The following WDPCP variants were observed in gnomAD, a reference collection of about 807,000 sequenced individuals.
The protein encoded by WDPCP is WD repeat containing planar cell polarity effector.
In WDPCP, 71 loss-of-function variants were observed where a neutral mutation model predicts 93.1. That is an observed-to-expected ratio of 0.76 (90% confidence interval 0.63 to 0.93). The LOEUF (loss-of-function observed/expected upper bound fraction) is 0.93. Ranked by LOEUF, WDPCP falls within the 40% of genes least tolerant of loss-of-function variation. The pLI is 0.00. For synonymous variants in WDPCP, 315 were observed against 315.0 expected (o/e 1.00, Z 0.00); for missense variants, 844 against 887.4 (o/e 0.95, Z 0.62).
intron 12 of WDPCP, among the ~76,000 whole-genome samples, chr2:63,377,632 A>G (rs1691959551): frequency 1.3e-5 from 2 of 151,502 alleles, no homozygotes; most frequent in African/African-American, 4.8e-5. Context: ...TGCTTATTTT[A>G]TCATATTTCT....
At chr2:63,506,600 A>G (rs1701890024) in intron 1 of WDPCP, among the ~76,000 whole-genome samples, 2 of 152,130 alleles carry the variant, frequency 1.3e-5, no homozygotes, top group Non-Finnish European at 2.9e-5. Context: ...CAAAAAGCAC[A>G]CGTACTGGAA....
At chr2:63,653,909 C>A (rs1357119472) in intron 2 of WDPCP, among the ~76,000 whole-genome samples, 71 of 133,524 alleles carry the variant, frequency 5.3e-4, no homozygotes, top group South Asian at 9.6e-4. Context: ...GACTCCATCT[C>A]AAAAAAAAAA....
intron 2 of WDPCP, among the ~76,000 whole-genome samples, chr2:63,764,770 C>A (rs551301208): frequency 6.6e-6 from 1 of 152,172 alleles, no homozygotes; most frequent in African/African-American, 2.4e-5. Context: ...TAAGGCAAGA[C>A]CATGAAGGAG....
At chr2:63,455,085 C>T (rs994257144) in intron 6 of WDPCP, among the ~76,000 whole-genome samples, 1 of 151,988 alleles carries the variant, frequency 6.6e-6, no homozygotes, top group Non-Finnish European at 1.5e-5. Context: ...ATGATTAATT[C>T]CCATCATCAA....
chr2:63,464,182 T>A (rs1179198431), intron 6 of WDPCP, among the ~76,000 whole-genome samples: 1 of 151,942 alleles, frequency 6.6e-6, no homozygotes, highest in African/African-American at 2.4e-5. Flanking sequence ...AATCAGATAA[T>A]CCAACTTAAA....
chr2:63,228,124 T>C (rs1678446783), intron 14 of WDPCP, among the ~76,000 whole-genome samples: 1 of 152,116 alleles, frequency 6.6e-6, no homozygotes. Flanking sequence ...AAAAGTTTAC[T>C]TTTATCTTCT....
At chr2:63,279,671 T>C (rs11685910) in intron 13 of WDPCP, among the ~76,000 whole-genome samples, 120,985 of 152,150 alleles carry the variant, frequency 0.8, 48,584 homozygotes, top group East Asian at 0.96. Flanking sequence ...AGTCAGACTG[T>C]TGCTGTTTGC....
At chr2:63,720,415 T>TCAAAAAAAAAAA (rs1167952657) in intron 2 of WDPCP, among the ~76,000 whole-genome samples, 1 of 145,222 alleles carries the variant, frequency 6.9e-6, no homozygotes, top group Non-Finnish European at 1.5e-5. Flanking sequence ...AGACTCTACC[T>TCAAAAAAAAAAA]TAAAAAAAAA....
intron 3 of WDPCP, chr2:63,605,151 T>C: frequency 3.0e-6 from 2 of 673,200 alleles, no homozygotes; most frequent in Non-Finnish European, 5.1e-6. Context: ...CATTGGGTTG[T>C]TGCATGATTT....
At chr2:63,707,217 A>C (rs1028869014) in intron 2 of WDPCP, among the ~76,000 whole-genome samples, 2 of 152,132 alleles carry the variant, frequency 1.3e-5, no homozygotes, top group Non-Finnish European at 2.9e-5. Flanking sequence ...TATCCTGCAG[A>C]GTGTTTTCCA....
Position 63,428,927 on chromosome 2 carries a change from G to C in WDPCP, c.825+4818C>G, listed in dbSNP as rs116797526. On this transcript the variant is annotated intron_variant, in intron 9 of 17. Coordinates refer to ENST00000272321, the MANE Select transcript of WDPCP (RefSeq NM_015910.7). Reference sequence around the variant, plus strand: ...TAAATGGAAAAACATTCCATGCTCAGAGATTGGAAGAATCATTCTTGTTAA... The same window carrying C: ...TAAATGGAAAAACATTCCATGCTCACAGATTGGAAGAATCATTCTTGTTAA... Among the ~76,000 whole-genome samples, 927 of 152,276 alleles carry C rather than the reference G, an allele frequency of 6.1e-3. 12 individuals carry two copies. Among genetic ancestry groups the C allele is most frequent in the African/African-American group, 0.021 (879 of 41,568 alleles).
intron 15 of WDPCP, among the ~76,000 whole-genome samples, chr2:63,169,171 A>G (rs886920995): frequency 1.3e-5 from 2 of 152,246 alleles, no homozygotes; most frequent in African/African-American, 2.4e-5. Flanking sequence ...TTATTAAAAT[A>G]TAGTCAGTCC....
At chr2:63,716,083 G>A (rs181953232) in intron 2 of WDPCP, among the ~76,000 whole-genome samples, 1 of 152,298 alleles carries the variant, frequency 6.6e-6, no homozygotes, top group East Asian at 1.9e-4. Flanking sequence ...AGAGTATAAT[G>A]TTTCTTCAGG....
At chr2:63,464,786 A>G (rs72821624) in intron 6 of WDPCP, among the ~76,000 whole-genome samples, 28,743 of 152,060 alleles carry the variant, frequency 0.19, 3,561 homozygotes, top group Non-Finnish European at 0.25. Context: ...GTCAGTAACA[A>G]AAAGATATAT....
rs142656247 is a variant in WDPCP at position 63,804,587 on chromosome 2, C to T, written n.308+9035G>A. 4.3e-3 allele frequency among the ~76,000 whole-genome samples: 650 copies of T among 151,450 alleles called. 2 individuals carry two copies. Among genetic ancestry groups the T allele is most frequent in the Non-Finnish European group, 7.9e-3 (533 of 67,868 alleles). On this transcript the variant is annotated intron_variant and non_coding_transcript_variant, in intron 2 of 4. Coordinates refer to the WDPCP transcript ENST00000467687. Reference sequence around the variant, plus strand: ...GACACTTATCCTAACTCTATGTGTCCTTCTCCTTGCTGCAAGGTGGCCAGA... The same window carrying T: ...GACACTTATCCTAACTCTATGTGTCTTTCTCCTTGCTGCAAGGTGGCCAGA...
intron 13 of WDPCP, among the ~76,000 whole-genome samples, chr2:63,273,576 A>G (rs934728935): frequency 2.6e-5 from 4 of 152,164 alleles, no homozygotes. Context: ...TATGCTTCCT[A>G]TAAGACACTG....
intron 13 of WDPCP, among the ~76,000 whole-genome samples, chr2:63,274,873 T>C (rs566039168): frequency 7.9e-5 from 12 of 152,254 alleles, no homozygotes; most frequent in African/African-American, 2.4e-4. Flanking sequence ...CTACCAAACT[T>C]AGAAATGAAT....
At chr2:63,333,765 C>A (rs1034669650) in intron 12 of WDPCP, among the ~76,000 whole-genome samples, 54 of 152,308 alleles carry the variant, frequency 3.5e-4, no homozygotes, top group African/African-American at 1.3e-3. Flanking sequence ...ACTCTGACCA[C>A]TTTGGGCACA....
rs1053484454 is a variant in WDPCP at position 63,380,274 on chromosome 2, A to G, written c.1624+1632T>C. ...TAAGTATACACTCAGTCATTACAGT[A>G]TATCAATACTAAGAAATAATTAGTT... On this transcript the variant is annotated intron_variant, in intron 11 of 17. Coordinates refer to ENST00000272321, the MANE Select transcript of WDPCP (RefSeq NM_015910.7). 5.3e-5 allele frequency among the ~76,000 whole-genome samples: 8 copies of G among 152,120 alleles called. No individual in the cohort carries two copies. In the East Asian group the frequency reaches 5.8e-4, roughly 11 times the overall value.
Sources: gnomAD v4.1 joint callset for allele counts (sites outside exome capture counted in the v4.1 genomes callset) on GRCh38, gnomAD v4.1.1 for gene constraint, MANE v1.5 for transcripts, NCBI Gene and HGNC (gene_info 2026-07-23, HGNC 2026-07-21) for gene names.